VSTM5: variants seen among roughly 807,000 people sequenced by gnomAD.
The protein encoded by VSTM5 is V-set and transmembrane domain containing 5.
VSTM5 carries 21 observed loss-of-function variants against 20.3 expected under a neutral mutation model. The ratio of observed to expected loss-of-function variants is 1.03; its 90% CI spans 0.73 to 1.49. The LOEUF is 1.49. VSTM5 is among the 40% of genes most tolerant of loss of function. The probability of loss-of-function intolerance (pLI) is 0.00; values close to 1 mark genes in which losing one functional copy is unlikely to be tolerated. For synonymous variants in VSTM5, 100 were observed against 102.5 expected (o/e 0.98, Z 0.14); for missense variants, 219 against 250.0 (o/e 0.88, Z 0.84).
chr11:93,843,666 T>C (rs1407068600), intron 1 of VSTM5, among the ~76,000 whole-genome samples: 1 of 152,206 alleles, frequency 6.6e-6, no homozygotes, highest in Non-Finnish European at 1.5e-5. Context: ...TTGTTATTTA[T>C]TAAGTTATAA....
chr11:93,834,620 A>G (rs188526752), intron 1 of VSTM5, among the ~76,000 whole-genome samples: 1 of 151,950 alleles, frequency 6.6e-6, no homozygotes, highest in African/African-American at 2.4e-5. Context: ...CGGGTCTACA[A>G]AAAAATACAA....
At position 93,818,329 on chromosome 11, in the gene VSTM5, A is replaced by G. The variant is rs1159295168; in HGVS notation, c.*2240T>C. The stretch of plus-strand genomic sequence containing the variant: ...TTAACATTTACACTAGCTAATCTCT[A>G]AGATTTTTATTTTTCTGAAAAGCAA... On this transcript the variant is annotated 3_prime_UTR_variant, in exon 4 of 4. Transcript: ENST00000409977. 2.6e-5 allele frequency: 4 copies of G among 151,984 alleles called. No homozygotes were observed. In the East Asian group the frequency reaches 7.7e-4, roughly 29 times the overall value. 9.4% of individuals were successfully genotyped at this position (151,984 alleles called of 1,614,324 possible). A position where few individuals can be genotyped will look rare whatever the true frequency, so the allele number is the denominator to read the frequency against.
At chr11:93,824,882 T>C (rs1041257017) in intron 1 of VSTM5, among the ~76,000 whole-genome samples, 2 of 152,236 alleles carry the variant, frequency 1.3e-5, no homozygotes, top group African/African-American at 4.8e-5. Flanking sequence ...CTATTTTACA[T>C]GTGAATATTC....
At chr11:93,837,397 C>T (rs1166102600) in intron 1 of VSTM5, among the ~76,000 whole-genome samples, 1 of 152,102 alleles carries the variant, frequency 6.6e-6, no homozygotes, top group Non-Finnish European at 1.5e-5. Flanking sequence ...TGCATGCACC[C>T]ATGCTGCTAC....
At chr11:93,848,968 CAACT>C (rs1944435753) in intron 1 of VSTM5, among the ~76,000 whole-genome samples, 2 of 152,160 alleles carry the variant, frequency 1.3e-5, no homozygotes, top group Admixed American at 6.5e-5. Context: ...GACTAACAAC[CAACT>C]GTTTTCTTGA....
intron 1 of VSTM5, among the ~76,000 whole-genome samples, chr11:93,825,604 A>C (rs1944226388): frequency 6.6e-6 from 1 of 152,106 alleles, no homozygotes; most frequent in South Asian, 2.1e-4. Flanking sequence ...GTATCTTTCC[A>C]TTTATTTGTG....
chr11:93,831,996 T>C (rs1944287138), intron 1 of VSTM5, among the ~76,000 whole-genome samples: 1 of 152,186 alleles, frequency 6.6e-6, no homozygotes, highest in Non-Finnish European at 1.5e-5. Flanking sequence ...ATGCAATCTG[T>C]AAAAATATTT....
chr11:93,828,340 G>C (rs16919410), intron 1 of VSTM5, among the ~76,000 whole-genome samples: 3,720 of 152,264 alleles, frequency 0.024, 146 homozygotes, highest in African/African-American at 0.083. Flanking sequence ...TAATCAGAAA[G>C]CTGTCAAGAG....
At chr11:93,839,553 C>A (rs769815372) in intron 1 of VSTM5, among the ~76,000 whole-genome samples, 2 of 152,190 alleles carry the variant, frequency 1.3e-5, no homozygotes, top group Non-Finnish European at 2.9e-5. Context: ...GAGTATGACA[C>A]GCAGTAAGCA....
chr11:93,837,816 C>T (rs1435230860), intron 1 of VSTM5, among the ~76,000 whole-genome samples: 1 of 152,044 alleles, frequency 6.6e-6, no homozygotes, highest in Non-Finnish European at 1.5e-5. Context: ...CATGGTGTGC[C>T]TCAGGCTGTT....
At chr11:93,843,410 C>A (rs574612147) in intron 1 of VSTM5, among the ~76,000 whole-genome samples, 6 of 152,240 alleles carry the variant, frequency 3.9e-5, no homozygotes, top group African/African-American at 1.4e-4. Flanking sequence ...ACCATTGAAT[C>A]CCCAGGGCCT....
chr11:93,833,771 C>T (rs16919416), intron 1 of VSTM5, among the ~76,000 whole-genome samples: 6,297 of 152,128 alleles, frequency 0.041, 412 homozygotes, highest in African/African-American at 0.14. Context: ...AACATGTTGG[C>T]GCCCTTTACT....
At chr11:93,827,879 A>G (rs1027658722) in intron 1 of VSTM5, 2 of 152,200 alleles carry the variant, frequency 1.3e-5, no homozygotes, top group Non-Finnish European at 2.9e-5. Flanking sequence ...TTGTGCAAAT[A>G]TGTGCTAATA....
At chr11:93,836,241 C>T (rs2135735824) in intron 1 of VSTM5, among the ~76,000 whole-genome samples, 1 of 152,356 alleles carries the variant, frequency 6.6e-6, no homozygotes, top group East Asian at 1.9e-4. Context: ...ATGTGCTTCA[C>T]TATGCCTGCT....
In VSTM5 at chr11:93,820,256, T is replaced by A. The variant is rs543236463; in HGVS notation, c.*313A>T. ...GCCATCCTGCACACCAGAGCAAGTG[T>A]CGTGAGCAAGCAGCCAACGCCTGCA... On this transcript the variant is annotated 3_prime_UTR_variant, in exon 4 of 4. Transcript: ENST00000409977. The A allele has an allele frequency of 3.5e-5, 13 of 373,368 alleles. No homozygotes were observed. In the East Asian group the frequency reaches 8.0e-4, roughly 23 times the overall value. 23.1% of individuals were successfully genotyped at this position (373,368 alleles called of 1,614,324 possible). A position where few individuals can be genotyped will look rare whatever the true frequency, so the allele number is the denominator to read the frequency against.
chr11:93,850,504 G>A lies in VSTM5; in HGVS notation c.-2C>T, dbSNP rs1036618463. ...CCTCCCGCTGGGCAGAGGCCTCATGGGCGAGCCCGGGGCCTCGCGGGCCGG... is the reference window on the plus strand; with the variant it reads ...CCTCCCGCTGGGCAGAGGCCTCATGAGCGAGCCCGGGGCCTCGCGGGCCGG... On this transcript the variant is annotated 5_prime_UTR_variant, in exon 1 of 4. Coordinates refer to ENST00000409977, the MANE Select transcript of VSTM5 (RefSeq NM_001144871.2). 1.9e-6 allele frequency: 3 copies of A among 1,548,214 alleles called. No individual in the cohort carries two copies. Among genetic ancestry groups the A allele is most frequent in the Admixed American group, 2.0e-5 (1 of 50,824 alleles).
At chr11:93,836,833 A>T (rs547224664) in intron 1 of VSTM5, among the ~76,000 whole-genome samples, 29 of 152,176 alleles carry the variant, frequency 1.9e-4, no homozygotes, top group Middle Eastern at 3.4e-3. Flanking sequence ...AACATGGATG[A>T]GAATTTACGC....
intron 1 of VSTM5, among the ~76,000 whole-genome samples, chr11:93,834,523 TC>T (rs1944307332): frequency 1.3e-5 from 2 of 152,150 alleles, no homozygotes; most frequent in South Asian, 2.1e-4. Context: ...ATGCCTGTAA[TC>T]CCAGTACTTC....
At chr11:93,825,828 G>A (rs556214195) in intron 1 of VSTM5, among the ~76,000 whole-genome samples, 1 of 150,928 alleles carries the variant, frequency 6.6e-6, no homozygotes, top group Non-Finnish European at 1.5e-5. Flanking sequence ...GAGTGCAGTG[G>A]TGCAATCTTG....
Sources: gnomAD v4.1 joint callset for allele counts (sites outside exome capture counted in the v4.1 genomes callset) on GRCh38, gnomAD v4.1.1 for gene constraint, MANE v1.5 for transcripts, NCBI Gene and HGNC (gene_info 2026-07-23, HGNC 2026-07-21) for gene names.